The following EFCAB11 variants were observed in gnomAD, a reference collection of about 807,000 sequenced individuals.
EFCAB11 encodes EF-hand calcium-binding domain-containing protein 11.
EFCAB11 carries 14 observed loss-of-function variants against 23.0 expected under a neutral mutation model. The observed-to-expected ratio is 0.61, with a 90% CI of 0.40 to 0.95. The LOEUF (loss-of-function observed/expected upper bound fraction) is 0.95, where lower values mean the gene tolerates loss of function less well. Ranked by LOEUF, EFCAB11 falls within the 40% of genes least tolerant of loss-of-function variation. The probability of loss-of-function intolerance (pLI) is 0.00; values close to 1 mark genes in which losing one functional copy is unlikely to be tolerated. For missense variants in EFCAB11, 198 were observed against 195.8 expected, an observed-to-expected ratio of 1.01 and a Z score of -0.07; for synonymous variants, 65 against 66.6, an observed-to-expected ratio of 0.98 and a Z score of 0.11.
chr14:89,908,072 T>C (rs1889553077), intron 5 of EFCAB11, among the ~76,000 whole-genome samples: 1 of 152,242 alleles, frequency 6.6e-6, no homozygotes, highest in Admixed American at 6.5e-5. Context: ...GTGATACCAC[T>C]GTCATCTCTC....
intron 5 of EFCAB11, among the ~76,000 whole-genome samples, chr14:89,847,972 A>G (rs1042919368): frequency 1.2e-4 from 18 of 152,174 alleles, no homozygotes; most frequent in African/African-American, 4.1e-4. Flanking sequence ...TATGTAAAGC[A>G]CGTAGTTAAC....
At chr14:89,853,428 A>T (rs1887656092) in intron 5 of EFCAB11, among the ~76,000 whole-genome samples, 1 of 152,228 alleles carries the variant, frequency 6.6e-6, no homozygotes, top group Admixed American at 6.5e-5. Context: ...TGTAACTTGC[A>T]TTATGTCACT....
intron 5 of EFCAB11, among the ~76,000 whole-genome samples, chr14:89,819,838 A>G (rs1404952822): frequency 6.6e-6 from 1 of 152,224 alleles, no homozygotes; most frequent in African/African-American, 2.4e-5. Flanking sequence ...TAAATTATTA[A>G]ATATATGTAG....
At chr14:89,833,818 A>T (rs1886965026) in intron 5 of EFCAB11, among the ~76,000 whole-genome samples, 1 of 152,184 alleles carries the variant, frequency 6.6e-6, no homozygotes, top group South Asian at 2.1e-4. Flanking sequence ...GTGTGGCTTA[A>T]ATTTATTTTC....
intron 5 of EFCAB11, among the ~76,000 whole-genome samples, chr14:89,877,965 A>G (rs930162163): frequency 6.6e-6 from 1 of 152,220 alleles, no homozygotes; most frequent in Non-Finnish European, 1.5e-5. Flanking sequence ...CCAAAACTCA[A>G]TAATAAAAGC....
intron 5 of EFCAB11, chr14:89,848,864 T>C (rs934629780): frequency 2.6e-5 from 4 of 152,106 alleles, no homozygotes; most frequent in African/African-American, 9.7e-5. Context: ...AAGGTGGGGG[T>C]TGCTATGAGT....
At chr14:89,927,776 C>T (rs780198220) in intron 5 of EFCAB11, among the ~76,000 whole-genome samples, 16 of 151,682 alleles carry the variant, frequency 1.1e-4, no homozygotes, top group Non-Finnish European at 1.9e-4. Context: ...GGCTGAAGTG[C>T]AGTGGCACGA....
intron 5 of EFCAB11, among the ~76,000 whole-genome samples, chr14:89,835,246 C>T (rs979482755): frequency 2.0e-5 from 3 of 152,180 alleles, no homozygotes; most frequent in African/African-American, 7.2e-5. Flanking sequence ...GTTTACACTG[C>T]TGATACAGGC....
intron 5 of EFCAB11, among the ~76,000 whole-genome samples, chr14:89,917,908 G>A (rs1413834982): frequency 1.3e-5 from 2 of 152,154 alleles, no homozygotes; most frequent in African/African-American, 2.4e-5. Context: ...ATCAATGAAC[G>A]GGAAGCACTG....
chr14:89,863,272 G>T (rs1887985463), intron 5 of EFCAB11, among the ~76,000 whole-genome samples: 3 of 152,174 alleles, frequency 2.0e-5, no homozygotes, highest in Admixed American at 2.0e-4. Flanking sequence ...ATGATAGTCA[G>T]ATTCAGAAGT....
chr14:89,940,137 GTAAT>G (rs1890740584), intron 3 of EFCAB11, among the ~76,000 whole-genome samples: 1 of 152,148 alleles, frequency 6.6e-6, no homozygotes, highest in Admixed American at 6.5e-5. Context: ...TTCTAAATGG[GTAAT>G]TAAATAAACA....
intron 5 of EFCAB11, among the ~76,000 whole-genome samples, chr14:89,928,046 C>T (rs2401857): frequency 0.19 from 28,692 of 152,022 alleles, 3,148 homozygotes; most frequent in South Asian, 0.32. Context: ...TTTAGTCTAA[C>T]TTTGGGATTG....
chr14:89,849,622 T>TC (rs1887541886), intron 5 of EFCAB11, among the ~76,000 whole-genome samples: 1 of 150,992 alleles, frequency 6.6e-6, no homozygotes, highest in African/African-American at 2.4e-5. Context: ...TTTTTTTTTT[T>TC]GGTAAGATAC....
At chr14:89,877,182 G>C (rs1388405181) in intron 5 of EFCAB11, among the ~76,000 whole-genome samples, 2 of 151,984 alleles carry the variant, frequency 1.3e-5, no homozygotes, top group East Asian at 3.9e-4. Flanking sequence ...TAGGATTATA[G>C]GTGTGTGCCA....
At chr14:89,803,792 C>G (rs564114743) in intron 5 of EFCAB11, among the ~76,000 whole-genome samples, 2 of 152,350 alleles carry the variant, frequency 1.3e-5, no homozygotes, top group East Asian at 3.9e-4. Flanking sequence ...AAGCAGCCTT[C>G]TCTTCTGAGG....
chr14:89,825,057 C>T (rs1300167253), intron 5 of EFCAB11, among the ~76,000 whole-genome samples: 2 of 149,722 alleles, frequency 1.3e-5, no homozygotes, highest in Non-Finnish European at 3.0e-5. Context: ...GATATTCATT[C>T]CGTTCAAGTG....
upstream of EFCAB11, chr14:89,954,737 G>A: frequency 6.5e-7 from 1 of 1,548,364 alleles, no homozygotes. Context: ...GCCTACCGCG[G>A]CCACGCCCAC....
intron 5 of EFCAB11, among the ~76,000 whole-genome samples, chr14:89,862,244 C>T (rs374459809): frequency 6.6e-6 from 1 of 152,196 alleles, no homozygotes; most frequent in East Asian, 1.9e-4. Context: ...AAAGCACATC[C>T]TGTTTCAACT....
chr14:89,861,428 C>T (rs977008386), intron 5 of EFCAB11, among the ~76,000 whole-genome samples: 2 of 152,204 alleles, frequency 1.3e-5, no homozygotes, highest in Admixed American at 6.5e-5. Context: ...ACTTAAGCCT[C>T]GGTCAGTTAC....
Sources: gnomAD v4.1 joint callset for allele counts (sites outside exome capture counted in the v4.1 genomes callset) on GRCh38, gnomAD v4.1.1 for gene constraint, MANE v1.5 for transcripts, NCBI Gene and HGNC (gene_info 2026-07-23, HGNC 2026-07-21) for gene names.